The following ILDR1 variants were observed in gnomAD, a reference collection of about 807,000 sequenced individuals.
ILDR1 encodes the protein immunoglobulin-like domain-containing receptor 1.
A neutral mutation model predicts 62.4 loss-of-function variants in ILDR1; 56 were observed. The ratio of observed to expected loss-of-function variants is 0.90; its 90% CI spans 0.72 to 1.12. ILDR1 has a LOEUF of 1.12. ILDR1 is among the 50% of genes most tolerant of loss of function. ILDR1 has a pLI of 0.00. For synonymous variants in ILDR1, 284 were observed against 277.8 expected (o/e 1.02, Z -0.22); for missense variants, 736 against 710.6 (o/e 1.04, Z -0.41).
the ILDR1 span, among the ~76,000 whole-genome samples, chr3:122,060,124 T>C: frequency 6.6e-6 from 1 of 152,170 alleles, no homozygotes; most frequent in African/African-American, 2.4e-5. Flanking sequence ...AAGCTGTGAA[T>C]AAGTGCATCA....
the ILDR1 span, among the ~76,000 whole-genome samples, chr3:122,033,547 G>C: frequency 6.6e-6 from 1 of 151,726 alleles, no homozygotes; most frequent in African/African-American, 2.4e-5. Flanking sequence ...CAAGATTTTT[G>C]TGTTTTATAT....
chr3:122,007,932 C>G (rs1305184439), intron 1 of ILDR1, among the ~76,000 whole-genome samples: 3 of 152,330 alleles, frequency 2.0e-5, no homozygotes, highest in Non-Finnish European at 4.4e-5. Flanking sequence ...CAACCTACCC[C>G]TAGGCAGCAC....
chr3:121,993,363 T>A lies in ILDR1; in HGVS notation c.1386A>T (p.Arg462=). Residue 462 remains arginine (R), a synonymous_variant, in exon 7 of 8, where the codon CGA becomes CGT. Coordinates refer to ENST00000344209, the MANE Select transcript of ILDR1 (RefSeq NM_001199799.2). Reference sequence around the variant, plus strand: ...GAGGAGAGTAGCTGCGGTGCCTGCGTCGTCTCCCGTGCCTCTGAGTGCTCT... The same window carrying A: ...GAGGAGAGTAGCTGCGGTGCCTGCGACGTCTCCCGTGCCTCTGAGTGCTCT... The part of the protein sequence containing the change: ...PRESTQRHGR[R]RRHRSYSPPL... 3.1e-6 allele frequency: 5 copies of A among 1,610,148 alleles called. No individual in the cohort carries two copies. The highest frequency in any genetic ancestry group is 1.3e-5 in the African/African-American group (1 of 74,968).
chr3:122,056,511 T>C, the ILDR1 span, among the ~76,000 whole-genome samples: 145 of 152,212 alleles, frequency 9.5e-4, no homozygotes, highest in African/African-American at 3.3e-3. Context: ...ATTTTTGTAT[T>C]TTTGGTAGAG....
At chr3:121,996,028 C>G (rs2071431382) in intron 5 of ILDR1, among the ~76,000 whole-genome samples, 1 of 152,156 alleles carries the variant, frequency 6.6e-6, no homozygotes. Context: ...CAATTTACCT[C>G]TCTCTAACTC....
chr3:122,041,969 GGTTA>G, the ILDR1 span, among the ~76,000 whole-genome samples: 4 of 142,610 alleles, frequency 2.8e-5, no homozygotes, highest in African/African-American at 1.0e-4. Context: ...ACATTGTGCA[GGTTA>G]GTTACATATG....
chr3:122,001,404 G>A lies in ILDR1; in HGVS notation c.550C>T (p.Leu184=). The A allele has an allele frequency of 6.2e-7, 1 of 1,614,142 alleles. No individual in the cohort carries two copies. The highest frequency in any genetic ancestry group is 8.5e-7 in the Non-Finnish European group (1 of 1,180,010). The change falls in exon 5 of 8, where the codon CTG becomes TTG. Residue 184 remains leucine (L), a synonymous_variant. Transcript: ENST00000344209. ...CACTGGCACCAGCACACTCCAATCA[G>A]CAGCAGGAGGAGGAGGGCTCCCAGG... is the stretch of plus-strand genomic sequence containing the variant. ...IILGALLLLL[L]IGVCWCQCCP...
the ILDR1 span, among the ~76,000 whole-genome samples, chr3:122,033,318 T>C: frequency 2.6e-5 from 4 of 151,780 alleles, no homozygotes; most frequent in East Asian, 7.8e-4. Flanking sequence ...TGGAATCTTT[T>C]GTTTTTTTAT....
At chr3:122,036,756 A>T in the ILDR1 span, among the ~76,000 whole-genome samples, 1 of 152,220 alleles carries the variant, frequency 6.6e-6, no homozygotes, top group African/African-American at 2.4e-5. Flanking sequence ...AATGGGGAAA[A>T]TGTCTCTAGG....
At chr3:122,055,435 C>A in the ILDR1 span, 2 of 1,587,442 alleles carry the variant, frequency 1.3e-6, no homozygotes, top group African/African-American at 1.3e-5. Context: ...CTAGCACAGA[C>A]ACACGGATGA....
the ILDR1 span, among the ~76,000 whole-genome samples, chr3:122,039,701 G>A: frequency 9.2e-5 from 14 of 151,932 alleles, no homozygotes; most frequent in South Asian, 2.1e-4. Context: ...GAATATACAC[G>A]AAGAAATGAA....
Position 121,993,293 on chromosome 3 carries a change from C to G in ILDR1, c.1456G>C (p.Glu486Gln). 6.2e-7 allele frequency: 1 copy of G among 1,613,502 alleles called. No homozygotes were observed. ...LSSWSSEEDK[E>Q]RQPQSWRAHR... ...GCCCGCCAGCTCTGGGGCTGCCTCTCCTTGTCCTCTTCAGAGCTCCAGGAA... is the reference window on the plus strand; with the variant it reads ...GCCCGCCAGCTCTGGGGCTGCCTCTGCTTGTCCTCTTCAGAGCTCCAGGAA... Residue 486 changes from glutamate (E) to glutamine (Q), a missense_variant, in exon 7 of 8, where the codon GAG becomes CAG. Physicochemically the swap from Glu to Gln is conservative, Grantham distance 29 (BLOSUM62 2). Transcript: ENST00000344209.
At chr3:122,028,905 T>G in the ILDR1 span, among the ~76,000 whole-genome samples, 1 of 152,186 alleles carries the variant, frequency 6.6e-6, no homozygotes, top group African/African-American at 2.4e-5. Context: ...GTCTTTACTC[T>G]ATAGAAACTC....
chr3:122,019,678 G>C (rs942799200), intron 1 of ILDR1, among the ~76,000 whole-genome samples: 1 of 152,162 alleles, frequency 6.6e-6, no homozygotes, highest in East Asian at 1.9e-4. Context: ...AGACTCCCTG[G>C]CCTCAGAAGC....
intron 1 of ILDR1, among the ~76,000 whole-genome samples, chr3:122,014,350 T>C (rs2071748436): frequency 6.6e-6 from 1 of 152,214 alleles, no homozygotes; most frequent in African/African-American, 2.4e-5. Flanking sequence ...GTTGTTTTTT[T>C]TAAATTAATC....
At chr3:122,015,974 A>G (rs2071770915) in intron 1 of ILDR1, among the ~76,000 whole-genome samples, 1 of 152,128 alleles carries the variant, frequency 6.6e-6, no homozygotes. Flanking sequence ...TCCTCCTTAA[A>G]AACCTCTAAC....
chr3:122,045,801 C>A, the ILDR1 span, among the ~76,000 whole-genome samples: 20,640 of 148,566 alleles, frequency 0.14, 1,551 homozygotes, highest in East Asian at 0.22. Context: ...TTATTTTGAG[C>A]CTATGTGTGT....
chr3:121,997,849 A>G (rs1445259757), intron 5 of ILDR1, among the ~76,000 whole-genome samples: 1 of 152,208 alleles, frequency 6.6e-6, no homozygotes, highest in Admixed American at 6.5e-5. Context: ...TTTAAGTCCT[A>G]CAGAGGGCTG....
At chr3:122,006,289 A>G (rs992752828) in intron 2 of ILDR1, among the ~76,000 whole-genome samples, 7 of 152,176 alleles carry the variant, frequency 4.6e-5, no homozygotes, top group African/African-American at 7.2e-5. Flanking sequence ...CAAAAAATTA[A>G]TTGTCTTGGT....
Sources: gnomAD v4.1 joint callset for allele counts (sites outside exome capture counted in the v4.1 genomes callset) on GRCh38, gnomAD v4.1.1 for gene constraint, MANE v1.5 for transcripts, NCBI Gene and HGNC (gene_info 2026-07-23, HGNC 2026-07-21) for gene names.